Variants in RIPOR2 observed in about 807,000 individuals in gnomAD.
RIPOR2 encodes rho family-interacting cell polarization regulator 2.
Under a neutral mutation model 114.5 loss-of-function variants are expected in RIPOR2, and 39 were observed. The observed-to-expected ratio is 0.34, with a 90% confidence interval of 0.26 to 0.44. The LOEUF (loss-of-function observed/expected upper bound fraction) is 0.44, where lower values mean the gene tolerates loss of function less well. Ranked by LOEUF, RIPOR2 falls within the 20% of genes least tolerant of loss-of-function variation. The pLI is 1.00. For synonymous variants in RIPOR2, 445 were observed against 484.4 expected (o/e 0.92, Z 1.07); for missense variants, 1,007 against 1,255.1 (o/e 0.80, Z 2.99).
intron 21 of RIPOR2, among the ~76,000 whole-genome samples, chr6:24,808,070 T>A (rs1382488162): frequency 1.3e-5 from 2 of 152,136 alleles, no homozygotes; most frequent in Non-Finnish European, 2.9e-5. Context: ...AAGCAGAATC[T>A]TTGGGAGTAG....
At chr6:25,015,683 G>A (rs1021714566) in intron 1 of RIPOR2, 1 of 152,078 alleles carries the variant, frequency 6.6e-6, no homozygotes, top group African/African-American at 2.4e-5. Flanking sequence ...GGGAAATAAA[G>A]GAAGTCCCTC....
chr6:24,809,939 T>C, intron 20 of RIPOR2, 132 bp from the exon 21 acceptor site: 1 of 649,898 alleles, frequency 1.5e-6, no homozygotes, highest in South Asian at 1.8e-5. Flanking sequence ...GGAGCAATCA[T>C]AGCTCACTGC....
chr6:24,918,293 T>C (rs776492220), intron 1 of RIPOR2, among the ~76,000 whole-genome samples: 16 of 152,252 alleles, frequency 1.1e-4, no homozygotes, highest in East Asian at 1.9e-4. Context: ...ATTGGCTTGA[T>C]TGATAATCAT....
At chr6:24,898,275 C>G (rs932079807) in intron 1 of RIPOR2, 3 of 152,060 alleles carry the variant, frequency 2.0e-5, no homozygotes, top group Admixed American at 1.3e-4. Context: ...CTTACTAGAA[C>G]CTATAATCTG....
At chr6:24,820,673 A>G (rs1759607286) in intron 19 of RIPOR2, among the ~76,000 whole-genome samples, 1 of 152,158 alleles carries the variant, frequency 6.6e-6, no homozygotes, top group South Asian at 2.1e-4. Flanking sequence ...TTCAAGGCTC[A>G]TCTAGGTTGA....
At chr6:24,859,181 T>C (rs1480081834) in intron 8 of RIPOR2, among the ~76,000 whole-genome samples, 1 of 152,134 alleles carries the variant, frequency 6.6e-6, no homozygotes, top group East Asian at 1.9e-4. Context: ...AATCAGGAAA[T>C]TACCATCCCA....
At chr6:24,875,196 A>G (rs986644657) in intron 2 of RIPOR2, among the ~76,000 whole-genome samples, 2 of 152,232 alleles carry the variant, frequency 1.3e-5, no homozygotes, top group Admixed American at 6.5e-5. Flanking sequence ...ACTTGGTTAC[A>G]TGTTGCTTAT....
intron 1 of RIPOR2, among the ~76,000 whole-genome samples, chr6:24,958,591 G>A (rs781378415): frequency 2.0e-5 from 3 of 152,124 alleles, no homozygotes; most frequent in African/African-American, 2.4e-5. Context: ...TTCCTGAGAC[G>A]TATAATCAAC....
At chr6:24,821,033 C>T (rs112788438) in intron 19 of RIPOR2, among the ~76,000 whole-genome samples, 7 of 151,808 alleles carry the variant, frequency 4.6e-5, no homozygotes, top group South Asian at 2.1e-4. Context: ...CCACCACACC[C>T]GGCTAATTTT....
At chr6:25,027,665 GC>G (rs1387279806) in intron 1 of RIPOR2, among the ~76,000 whole-genome samples, 3 of 152,176 alleles carry the variant, frequency 2.0e-5, no homozygotes, top group Non-Finnish European at 4.4e-5. Context: ...GAGAAAGAGG[GC>G]CCCCCTCCCC....
At chr6:24,978,901 T>C (rs957221786) in intron 1 of RIPOR2, among the ~76,000 whole-genome samples, 7 of 152,180 alleles carry the variant, frequency 4.6e-5, no homozygotes, top group Non-Finnish European at 1.0e-4. Context: ...CAGGCCAAGA[T>C]GTGAAAAGGT....
At chr6:24,975,953 A>G (rs1774019937) in intron 1 of RIPOR2, among the ~76,000 whole-genome samples, 1 of 152,188 alleles carries the variant, frequency 6.6e-6, no homozygotes, top group African/African-American at 2.4e-5. Context: ...ATTGAACTAT[A>G]TACACTTAAT....
At chr6:24,992,109 G>C (rs531188124) in intron 1 of RIPOR2, among the ~76,000 whole-genome samples, 3 of 152,318 alleles carry the variant, frequency 2.0e-5, no homozygotes, top group Non-Finnish European at 4.4e-5. Context: ...CTAAGAATCT[G>C]TGCACTGAGT....
At chr6:24,869,412 G>C (rs1182319759) in intron 5 of RIPOR2, among the ~76,000 whole-genome samples, 1 of 151,270 alleles carries the variant, frequency 6.6e-6, no homozygotes, top group African/African-American at 2.4e-5. Flanking sequence ...TTGCCTCCTG[G>C]GTTCAAGCGA....
chr6:24,827,205 T>A (rs996647549), intron 18 of RIPOR2, among the ~76,000 whole-genome samples: 3 of 152,202 alleles, frequency 2.0e-5, no homozygotes, highest in African/African-American at 7.2e-5. Context: ...ATGCTTTCTC[T>A]TCCTGGTCCT....
At chr6:24,979,032 A>G (rs1038492274) in intron 1 of RIPOR2, among the ~76,000 whole-genome samples, 2 of 152,112 alleles carry the variant, frequency 1.3e-5, no homozygotes, top group Non-Finnish European at 2.9e-5. Context: ...GTTTAACATT[A>G]TTTTCTCTAT....
Position 24,869,117 on chromosome 6 carries a change from G to A in RIPOR2, c.478C>T (p.Arg160Cys), listed in dbSNP as rs778220761. 7 of 1,585,810 alleles carry A rather than the reference G, an allele frequency of 4.4e-6. No homozygotes were observed. Among genetic ancestry groups the A allele is most frequent in the Non-Finnish European group, 6.0e-6 (7 of 1,159,888 alleles). The change falls in exon 6 of 22, where the codon CGC (arginine) becomes TGC (cysteine). Residue 160 changes from arginine to cysteine, a missense_variant. Arg to Cys is a radical substitution (Grantham distance 180). Transcript: ENST00000643898. ...QIKTIERYMR[R>C]LEFHISKVDE... The stretch of plus-strand genomic sequence containing the variant: ...ACCTTACTTATATGAAACTCCAGGC[G>A]TCTCATGTATCTTTCAATTGTTTTA...
intron 1 of RIPOR2, among the ~76,000 whole-genome samples, chr6:25,019,108 G>C (rs1335836143): frequency 3.9e-5 from 6 of 152,116 alleles, no homozygotes; most frequent in Admixed American, 3.9e-4. Context: ...AACCTTCAAA[G>C]GTGAGCAGTG....
At chr6:24,957,282 A>C (rs1773083046) in intron 1 of RIPOR2, among the ~76,000 whole-genome samples, 1 of 152,190 alleles carries the variant, frequency 6.6e-6, no homozygotes, top group African/African-American at 2.4e-5. Flanking sequence ...GTTCTTGGTG[A>C]TTTACAAATA....
Sources: gnomAD v4.1 joint callset for allele counts (sites outside exome capture counted in the v4.1 genomes callset) on GRCh38, gnomAD v4.1.1 for gene constraint, MANE v1.5 for transcripts, NCBI Gene and HGNC (gene_info 2026-07-23, HGNC 2026-07-21) for gene names.